TP63: variants seen among roughly 807,000 people sequenced by gnomAD.
TP63 encodes tumor protein 63.
A neutral mutation model predicts 82.8 loss-of-function variants in TP63; 17 were observed. The ratio of observed to expected loss-of-function variants is 0.21; its 90% CI spans 0.14 to 0.31. TP63 has a LOEUF of 0.31. TP63 is among the 10% of genes least tolerant of loss of function. TP63 has a pLI of 1.00. For synonymous variants in TP63, 330 were observed against 321.7 expected, an observed-to-expected ratio of 1.03 and a Z score of -0.28; for missense variants, 648 against 895.3, an observed-to-expected ratio of 0.72 and a Z score of 3.52.
chr3:189,736,407 T>C (rs1577326252), intron 1 of TP63, among the ~76,000 whole-genome samples: 2 of 152,226 alleles, frequency 1.3e-5, no homozygotes, highest in African/African-American at 4.8e-5. Context: ...GCTGTTGTCA[T>C]AGAGTGCCCA....
intron 1 of TP63, among the ~76,000 whole-genome samples, chr3:189,684,629 TTTC>T (rs1716273949): frequency 1.5e-5 from 2 of 136,152 alleles, no homozygotes; most frequent in African/African-American, 5.5e-5. Context: ...GTTTTCTTTC[TTTC>T]TTTTTTTTTT....
intron 1 of TP63, among the ~76,000 whole-genome samples, chr3:189,700,957 G>T (rs892518125): frequency 6.6e-6 from 1 of 152,182 alleles, no homozygotes; most frequent in African/African-American, 2.4e-5. Flanking sequence ...CAAAAATAAT[G>T]TTAATGAATC....
chr3:189,748,594 T>C (rs920767243), intron 3 of TP63, among the ~76,000 whole-genome samples: 7 of 147,896 alleles, frequency 4.7e-5, no homozygotes, highest in African/African-American at 1.7e-4. Context: ...GAATGAAAAT[T>C]GTTAAAATGA....
At chr3:189,840,726 C>T (rs935642322) in intron 4 of TP63, among the ~76,000 whole-genome samples, 1 of 151,628 alleles carries the variant, frequency 6.6e-6, no homozygotes, top group African/African-American at 2.4e-5. Flanking sequence ...GGTGTAGTGG[C>T]AGGCACCTGT....
the TP63 span, among the ~76,000 whole-genome samples, chr3:189,608,538 A>G: frequency 6.6e-6 from 1 of 152,144 alleles, no homozygotes; most frequent in African/African-American, 2.4e-5. Context: ...AGGACAGGTG[A>G]TGCAAAAATT....
intron 1 of TP63, among the ~76,000 whole-genome samples, chr3:189,643,746 C>T (rs1379007693): frequency 1.3e-5 from 2 of 152,178 alleles, no homozygotes; most frequent in Admixed American, 6.5e-5. Context: ...ACATCTACAT[C>T]GCCCATGGTT....
At chr3:189,705,913 C>T (rs553688111) in intron 1 of TP63, among the ~76,000 whole-genome samples, 6 of 152,292 alleles carry the variant, frequency 3.9e-5, no homozygotes, top group African/African-American at 1.4e-4. Flanking sequence ...TTAACAGTAA[C>T]TGTGATACTT....
intron 4 of TP63, among the ~76,000 whole-genome samples, chr3:189,828,318 G>T (rs1416209448): frequency 6.6e-6 from 1 of 151,824 alleles, no homozygotes; most frequent in Non-Finnish European, 1.5e-5. Context: ...TGAGTGTGGG[G>T]TTTGGGGTGG....
intron 4 of TP63, among the ~76,000 whole-genome samples, chr3:189,853,324 C>T (rs1470227511): frequency 2.6e-5 from 4 of 152,182 alleles, no homozygotes; most frequent in African/African-American, 4.8e-5. Flanking sequence ...GCTCAAGACC[C>T]GTCCTGCTCT....
At chr3:189,606,420 G>A in the TP63 span, among the ~76,000 whole-genome samples, 1 of 151,576 alleles carries the variant, frequency 6.6e-6, no homozygotes, top group East Asian at 1.9e-4. Flanking sequence ...GCAGAGCTAG[G>A]CCTACATAAA....
chr3:189,792,733 A>G (rs542124348), intron 3 of TP63, among the ~76,000 whole-genome samples: 1 of 152,092 alleles, frequency 6.6e-6, no homozygotes, highest in South Asian at 2.1e-4. Context: ...CCAAGGAGAG[A>G]TGGGATGATT....
At chr3:189,622,852 G>A in the TP63 span, among the ~76,000 whole-genome samples, 7 of 152,106 alleles carry the variant, frequency 4.6e-5, no homozygotes, top group Non-Finnish European at 1.0e-4. Context: ...CATCTACTTC[G>A]CATGACAGTT....
chr3:189,682,659 C>G (rs1716084907), intron 1 of TP63, among the ~76,000 whole-genome samples: 1 of 149,248 alleles, frequency 6.7e-6, no homozygotes, highest in Non-Finnish European at 1.5e-5. Context: ...GGAAATATAA[C>G]TTTTAGCTAA....
the TP63 span, among the ~76,000 whole-genome samples, chr3:189,619,162 C>A: frequency 6.6e-6 from 1 of 152,160 alleles, no homozygotes; most frequent in African/African-American, 2.4e-5. Flanking sequence ...TTTATCATGA[C>A]CAGTACGTCT....
intron 3 of TP63, among the ~76,000 whole-genome samples, chr3:189,796,216 A>T (rs1347458721): frequency 6.6e-6 from 1 of 152,058 alleles, no homozygotes; most frequent in Non-Finnish European, 1.5e-5. Context: ...AAAAAATTTA[A>T]GATATTATCT....
intron 3 of TP63, among the ~76,000 whole-genome samples, chr3:189,777,046 C>G (rs1723856716): frequency 6.6e-6 from 1 of 152,174 alleles, no homozygotes; most frequent in Non-Finnish European, 1.5e-5. Flanking sequence ...AAGCTTAAAG[C>G]TGAAGTATAT....
At chr3:189,670,868 A>G (rs1007085287) in intron 1 of TP63, among the ~76,000 whole-genome samples, 3 of 152,080 alleles carry the variant, frequency 2.0e-5, no homozygotes, top group African/African-American at 7.2e-5. Flanking sequence ...TTCCCTGGTC[A>G]TATATGAAAA....
chr3:189,777,845 C>CTTTTTTTTTT (rs55731981), intron 3 of TP63, among the ~76,000 whole-genome samples: 20 of 37,768 alleles, frequency 5.3e-4, no homozygotes, highest in African/African-American at 1.4e-3. Flanking sequence ...TCTTCTTCTT[C>CTTTTTTTTTT]TTTTTTTTTT....
intron 3 of TP63, among the ~76,000 whole-genome samples, chr3:189,808,045 G>A (rs1727105171): frequency 6.6e-6 from 1 of 152,174 alleles, no homozygotes; most frequent in African/African-American, 2.4e-5. Flanking sequence ...GTCTCCAGAG[G>A]TGGCACATAG....
Sources: gnomAD v4.1 joint callset for allele counts (sites outside exome capture counted in the v4.1 genomes callset) on GRCh38, gnomAD v4.1.1 for gene constraint, MANE v1.5 for transcripts, NCBI Gene and HGNC (gene_info 2026-07-23, HGNC 2026-07-21) for gene names.